Variants in AGAP1 observed in about 807,000 individuals in gnomAD.
The protein encoded by AGAP1 is arf-GAP with GTPase, ANK repeat and PH domain-containing protein 1.
A neutral mutation model predicts 105.3 loss-of-function variants in AGAP1; 29 were observed. That is an observed-to-expected ratio of 0.28 (90% confidence interval 0.21 to 0.38). The LOEUF (loss-of-function observed/expected upper bound fraction) is 0.38. AGAP1 is among the 10% of genes least tolerant of loss of function. The probability of loss-of-function intolerance (pLI) is 1.00; values close to 1 mark genes in which losing one functional copy is unlikely to be tolerated. For synonymous variants in AGAP1, 509 were observed against 485.9 expected, an observed-to-expected ratio of 1.05 and a Z score of -0.63; for missense variants, 998 against 1,165.1, an observed-to-expected ratio of 0.86 and a Z score of 2.09.
At chr2:235,606,017 A>G (rs1945923119) in intron 1 of AGAP1, among the ~76,000 whole-genome samples, 1 of 152,248 alleles carries the variant, frequency 6.6e-6, no homozygotes, top group Non-Finnish European at 1.5e-5. Flanking sequence ...TCCAATAAGT[A>G]TGTGTTTTAT....
In AGAP1 at chr2:235,744,534, G is replaced by C. The variant is rs1390001174; in HGVS notation, c.397-164G>C. On this transcript the variant is annotated intron_variant, in intron 4 of 17. Coordinates refer to ENST00000304032, the MANE Select transcript of AGAP1 (RefSeq NM_001037131.3). The surrounding 1 kb of genome is among the most constrained non-coding windows in gnomAD (Gnocchi z 5.2). ...ATGGTGTGCTCAGGAGGAGGACGTGGATGCCGTGACAGTGTGTAAAAGTGA... is the reference window on the plus strand; with the variant it reads ...ATGGTGTGCTCAGGAGGAGGACGTGCATGCCGTGACAGTGTGTAAAAGTGA... Among the ~76,000 whole-genome samples, 1 of 152,156 alleles carries C rather than the reference G, an allele frequency of 6.6e-6. No homozygotes were observed. Among genetic ancestry groups the C allele is most frequent in the Admixed American group, 6.5e-5 (1 of 15,286 alleles).
chr2:236,120,166 T>A lies in AGAP1; in HGVS notation c.2115-26T>A. 1 of 1,595,098 alleles carries A rather than the reference T, an allele frequency of 6.3e-7. No individual in the cohort carries two copies. The highest frequency in any genetic ancestry group is 8.6e-7 in the Non-Finnish European group (1 of 1,169,304). On this transcript the variant is annotated intron_variant, in intron 16 of 17. Transcript: ENST00000304032. The surrounding 1 kb of genome is among the most constrained non-coding windows in gnomAD (Gnocchi z 6.0). ...CTGTGTTCTCGGGCCTGATCGTGACTGCACCTGTCTGGTGGCTCTTTGCAG... is the reference window on the plus strand; with the variant it reads ...CTGTGTTCTCGGGCCTGATCGTGACAGCACCTGTCTGGTGGCTCTTTGCAG...
chr2:236,099,673 C>T (rs1411824448), intron 16 of AGAP1, among the ~76,000 whole-genome samples: 1 of 152,062 alleles, frequency 6.6e-6, no homozygotes, highest in Non-Finnish European at 1.5e-5. Context: ...ATATCTTTGC[C>T]ACCAAGTGAC....
Position 235,970,636 on chromosome 2 carries a change from A to G in AGAP1, c.1645+2013A>G, listed in dbSNP as rs2054604046. Among the ~76,000 whole-genome samples, 1 of 152,164 alleles carries G rather than the reference A, an allele frequency of 6.6e-6. No homozygotes were observed. The highest frequency in any genetic ancestry group is 2.4e-5 in the African/African-American group (1 of 41,442). The stretch of plus-strand genomic sequence containing the variant: ...TTTTTCTTATGCACAACCTGGTGGG[A>G]ACTGACCGTTGCCACTTAGATACAC... On this transcript the variant is annotated intron_variant, in intron 13 of 17. Coordinates refer to ENST00000304032, the MANE Select transcript of AGAP1 (RefSeq NM_001037131.3). The surrounding 1 kb of genome is among the most constrained non-coding windows in gnomAD (Gnocchi z 5.4).
In AGAP1 at chr2:235,653,520, A is replaced by T. The variant is rs1189064671; in HGVS notation, c.164-55659A>T. 2.6e-5 allele frequency among the ~76,000 whole-genome samples: 4 copies of T among 152,052 alleles called. No homozygotes were observed. The East Asian group carries it at 7.7e-4, about 29-fold the overall frequency. On this transcript the variant is annotated intron_variant, in intron 1 of 17. Coordinates refer to ENST00000304032, the MANE Select transcript of AGAP1 (RefSeq NM_001037131.3). ...AAAATATAACATAACATAACATAACATAACATAAAATAAAATAATAAATAA... is the reference window on the plus strand; with the variant it reads ...AAAATATAACATAACATAACATAACTTAACATAAAATAAAATAATAAATAA...
At position 235,982,628 on chromosome 2, in the gene AGAP1, C is replaced by T. The variant is rs1325710650; in HGVS notation, c.1645+14005C>T. On this transcript the variant is annotated intron_variant, in intron 13 of 17. Transcript: ENST00000304032. The surrounding 1 kb of genome is among the most constrained non-coding windows in gnomAD (Gnocchi z 4.9). Reference sequence around the variant, plus strand: ...TGAAGGAACATAGAGAAGGTTTAGGCCCTGTTTCTTTTCGAGCAGCACAGA... The same window carrying T: ...TGAAGGAACATAGAGAAGGTTTAGGTCCTGTTTCTTTTCGAGCAGCACAGA... Among the ~76,000 whole-genome samples the T allele has an allele frequency of 6.6e-6, 1 of 152,218 alleles. No individual in the cohort carries two copies. Among genetic ancestry groups the T allele is most frequent in the Non-Finnish European group, 1.5e-5 (1 of 68,042 alleles).
At chr2:235,548,051 T>A (rs1943684912) in intron 1 of AGAP1, among the ~76,000 whole-genome samples, 1 of 152,256 alleles carries the variant, frequency 6.6e-6, no homozygotes, top group Admixed American at 6.5e-5. Context: ...AGGGTTGGCC[T>A]CAGGCTGCTG....
At chr2:235,617,173 A>G (rs1946334293) in intron 1 of AGAP1, among the ~76,000 whole-genome samples, 1 of 152,168 alleles carries the variant, frequency 6.6e-6, no homozygotes, top group Non-Finnish European at 1.5e-5. Context: ...TTAAAACACA[A>G]AACAAACATG....
At position 235,995,520 on chromosome 2, in the gene AGAP1, A is replaced by T. The variant is rs570993573; in HGVS notation, c.1645+26897A>T. ...CAGGGCAAGACTGTGACTCAAAAAAACAAACAAAAGAAAGAAAAAATTCTA... is the reference window on the plus strand; with the variant it reads ...CAGGGCAAGACTGTGACTCAAAAAATCAAACAAAAGAAAGAAAAAATTCTA... On this transcript the variant is annotated intron_variant, in intron 13 of 17. Transcript: ENST00000304032. 1.4e-4 allele frequency among the ~76,000 whole-genome samples: 21 copies of T among 152,298 alleles called. No individual in the cohort carries two copies. In the South Asian group the frequency reaches 4.1e-3, roughly 30 times the overall value.
rs760931520 is a variant in AGAP1 at position 235,740,940 on chromosome 2, G to A, written c.311-23G>A. On this transcript the variant is annotated intron_variant, in intron 3 of 17. Coordinates refer to ENST00000304032, the MANE Select transcript of AGAP1 (RefSeq NM_001037131.3). This position sits in a 1 kb window ranked among gnomAD's most constrained non-coding sequence, Gnocchi z 5.7. Reference sequence around the variant, plus strand: ...TCACTCTCTGTTGTTCTCGTGTAACGAGATGTTTTGTGTGTGTGGCAGGTG... The same window carrying A: ...TCACTCTCTGTTGTTCTCGTGTAACAAGATGTTTTGTGTGTGTGGCAGGTG... The A allele has an allele frequency of 9.3e-6, 15 of 1,614,004 alleles. No individual in the cohort carries two copies. The highest frequency in any genetic ancestry group is 6.7e-5 in the African/African-American group (5 of 74,954).
At chr2:235,598,980 C>T (rs1405690671) in intron 1 of AGAP1, among the ~76,000 whole-genome samples, 1 of 152,110 alleles carries the variant, frequency 6.6e-6, no homozygotes, top group African/African-American at 2.4e-5. Flanking sequence ...TGAGTGGGAG[C>T]CTGTCTTCCT....
At position 235,552,605 on chromosome 2, in the gene AGAP1, G is replaced by A. The variant is rs1943848526; in HGVS notation, c.163+57756G>A. 6.6e-6 allele frequency among the ~76,000 whole-genome samples: 1 copy of A among 152,216 alleles called. No individual in the cohort carries two copies. Among genetic ancestry groups the A allele is most frequent in the Admixed American group, 6.5e-5 (1 of 15,282 alleles). On this transcript the variant is annotated intron_variant, in intron 1 of 17. Transcript: ENST00000304032. This position sits in a 1 kb window ranked among gnomAD's most constrained non-coding sequence, Gnocchi z 5.9. ...TGCTGCTCCCATTGGCCAGGCACTG[G>A]GGATGCGGCGTATGGGCAGGTGCAC... is the stretch of plus-strand genomic sequence containing the variant.
intron 1 of AGAP1, among the ~76,000 whole-genome samples, chr2:235,522,363 C>G (rs1942654934): frequency 6.6e-6 from 1 of 152,164 alleles, no homozygotes; most frequent in African/African-American, 2.4e-5. Context: ...TCTGTACCAG[C>G]TCTGAGGTAC....
intron 9 of AGAP1, among the ~76,000 whole-genome samples, chr2:235,819,942 T>C (rs1364595455): frequency 6.6e-6 from 1 of 150,952 alleles, no homozygotes; most frequent in Non-Finnish European, 1.5e-5. Context: ...TTGCTCTTGT[T>C]GCCCAGGCTG....
At chr2:235,672,856 G>C (rs1047687380) in intron 1 of AGAP1, among the ~76,000 whole-genome samples, 2 of 152,200 alleles carry the variant, frequency 1.3e-5, no homozygotes, top group Non-Finnish European at 2.9e-5. Flanking sequence ...ATTGATAGTA[G>C]ATTTGGAGTA....
At chr2:235,532,936 G>T (rs190952424) in intron 1 of AGAP1, among the ~76,000 whole-genome samples, 8 of 152,004 alleles carry the variant, frequency 5.3e-5, no homozygotes, top group Non-Finnish European at 1.0e-4. Context: ...TGGGGCTTTC[G>T]CTTTCCTTGG....
intron 16 of AGAP1, among the ~76,000 whole-genome samples, chr2:236,116,354 G>GTTATTTTTTTTTT (rs1382491873): frequency 2.2e-5 from 2 of 90,726 alleles, no homozygotes. Context: ...GGTTAATTAA[G>GTTATTTTTTTTTT]TTCTTTTTTT....
At chr2:235,511,828 G>C (rs1225129051) in intron 1 of AGAP1, among the ~76,000 whole-genome samples, 1 of 152,036 alleles carries the variant, frequency 6.6e-6, no homozygotes, top group Non-Finnish European at 1.5e-5. Context: ...GTGTGTGAAT[G>C]TGTGTGTGAA....
chr2:235,960,415 C>T lies in AGAP1; in HGVS notation c.1484-8047C>T, dbSNP rs552623314. On this transcript the variant is annotated intron_variant, in intron 12 of 17. Transcript: ENST00000304032. The surrounding 1 kb of genome is among the most constrained non-coding windows in gnomAD (Gnocchi z 4.9). Reference sequence around the variant, plus strand: ...TTTTCTGTTCTCTGTCTCCCCAGCCCTCTCCTGGGCTTTCTCCCGGTGCAA... The same window carrying T: ...TTTTCTGTTCTCTGTCTCCCCAGCCTTCTCCTGGGCTTTCTCCCGGTGCAA... Among the ~76,000 whole-genome samples the T allele has an allele frequency of 6.6e-6, 1 of 152,304 alleles. No individual in the cohort carries two copies. The highest frequency in any genetic ancestry group is 2.1e-4 in the South Asian group (1 of 4,814).
Sources: gnomAD v4.1 joint callset for allele counts (sites outside exome capture counted in the v4.1 genomes callset) on GRCh38, gnomAD v4.1.1 for gene constraint, Gnocchi (gnomAD v3.1) non-coding constraint, MANE v1.5 for transcripts, NCBI Gene and HGNC (gene_info 2026-07-23, HGNC 2026-07-21) for gene names.